MYH14: variants seen among roughly 807,000 people sequenced by gnomAD.
MYH14 encodes the protein myosin-14.
A neutral mutation model predicts 255.5 loss-of-function variants in MYH14; 123 were observed. That is an observed-to-expected ratio of 0.48 (90% confidence interval 0.42 to 0.56). The LOEUF (loss-of-function observed/expected upper bound fraction) is 0.56, where lower values mean the gene tolerates loss of function less well. Among genes scored for constraint, MYH14 ranks in the 20% least tolerant of loss-of-function variants. The pLI is 0.00. For synonymous variants in MYH14, 1,095 were observed against 1,161.2 expected (o/e 0.94, Z 1.16); for missense variants, 2,423 against 2,802.3 (o/e 0.86, Z 3.06).
At chr19:50,227,549 A>G (rs2033169201) in intron 8 of MYH14, among the ~76,000 whole-genome samples, 1 of 152,036 alleles carries the variant, frequency 6.6e-6, no homozygotes, top group Non-Finnish European at 1.5e-5. Flanking sequence ...CAAACCCTTT[A>G]GGTCTAGCGA....
intron 10 of MYH14, among the ~76,000 whole-genome samples, chr19:50,240,556 G>C (rs1004208450): frequency 2.6e-5 from 4 of 152,084 alleles, no homozygotes; most frequent in Non-Finnish European, 5.9e-5. Flanking sequence ...CTGCACTCCA[G>C]CCTGGGCAAC....
intron 1 of MYH14, chr19:50,205,680 G>A (rs1265035581): frequency 1.3e-5 from 2 of 152,964 alleles, no homozygotes; most frequent in Non-Finnish European, 2.9e-5. Context: ...TCCCAGGTCT[G>A]AGGAAGGACT....
At chr19:50,213,853 C>G (rs1325580274) in intron 2 of MYH14, among the ~76,000 whole-genome samples, 1 of 152,056 alleles carries the variant, frequency 6.6e-6, no homozygotes, top group Non-Finnish European at 1.5e-5. Flanking sequence ...TTAGACATAG[C>G]CTTGCTCTGT....
At chr19:50,284,244 G>A (rs1275993452) in intron 33 of MYH14, among the ~76,000 whole-genome samples, 2 of 151,980 alleles carry the variant, frequency 1.3e-5, no homozygotes, top group Non-Finnish European at 2.9e-5. Context: ...TTTTAATTTT[G>A]TCCAATTTAT....
intron 3 of MYH14, 23 bp downstream of exon 3, chr19:50,217,794 G>A: frequency 1.2e-6 from 2 of 1,607,448 alleles, no homozygotes; most frequent in Non-Finnish European, 1.7e-6. Flanking sequence ...TGGGGCTGTA[G>A]GCCAGCGAGG....
chr19:50,237,330 T>TC (rs1275237481), intron 10 of MYH14, among the ~76,000 whole-genome samples: 1 of 150,996 alleles, frequency 6.6e-6, no homozygotes, highest in East Asian at 1.9e-4. Flanking sequence ...TGTGAACATT[T>TC]TTTTTTTTTT....
chr19:50,224,046 T>TCCCCCCCCCCCCCCTCCCCCCCCCCCC, intron 5 of MYH14, 108 bp from the exon 6 acceptor site: 1 of 504,358 alleles, frequency 2.0e-6, no homozygotes, highest in Non-Finnish European at 3.5e-6. Context: ...CAGTCCCCCT[T>TCCCCCCCCCCCCCCTCCCCCCCCCCCC]CCCCCACCCC....
chr19:50,204,815 A>G (rs1313709259), intron 1 of MYH14, among the ~76,000 whole-genome samples: 1 of 151,924 alleles, frequency 6.6e-6, no homozygotes, highest in African/African-American at 2.4e-5. Flanking sequence ...GGATCGGTTG[A>G]GCCCAGGAGG....
At chr19:50,231,730 A>G (rs867247386) in intron 9 of MYH14, among the ~76,000 whole-genome samples, 200 bp from the exon 10 acceptor site, 4 of 77,836 alleles carry the variant, frequency 5.1e-5, no homozygotes, top group African/African-American at 1.5e-4. Context: ...TTAAAAAAAA[A>G]AAATAGAGAC....
At chr19:50,264,761 C>G (rs1368356482) in intron 22 of MYH14, among the ~76,000 whole-genome samples, 1 of 152,108 alleles carries the variant, frequency 6.6e-6, no homozygotes, top group Non-Finnish European at 1.5e-5. Flanking sequence ...GCTCATTGGC[C>G]CAGCTGGAGT....
intron 22 of MYH14, among the ~76,000 whole-genome samples, chr19:50,264,114 T>C (rs1243402226): frequency 7.3e-6 from 1 of 136,794 alleles, no homozygotes; most frequent in East Asian, 2.1e-4. Flanking sequence ...TACATAAGTG[T>C]CTCGGAGAGA....
intron 10 of MYH14, among the ~76,000 whole-genome samples, chr19:50,242,444 G>T (rs780343530): frequency 3.9e-5 from 6 of 152,264 alleles, no homozygotes; most frequent in Admixed American, 1.3e-4. Context: ...AAGACAGAAT[G>T]AGAGCCAAGC....
In MYH14 at chr19:50,261,585, C is replaced by T. The variant is rs748914051; in HGVS notation, c.2535C>T (p.Thr845=). 2.2e-5 allele frequency: 36 copies of T among 1,603,040 alleles called. No homozygotes were observed. Among genetic ancestry groups the T allele is most frequent in the Middle Eastern group, 1.7e-4 (1 of 6,056 alleles). Residue 845 remains threonine (T), a synonymous_variant, in exon 21 of 43, where the codon ACC becomes ACT. Transcript: ENST00000642316. ...QLEEERDLKV[T]DIIVSFQAAA... is the part of the protein sequence containing the mutation. The stretch of plus-strand genomic sequence containing the variant: ...AAGAGGAGCGAGACCTGAAGGTCAC[C>T]GACATCATCGTCTCCTTCCAGGCAG...
At position 50,309,193 on chromosome 19, in the gene MYH14, G is replaced by T. The variant is rs369915943; in HGVS notation, c.5960+16G>T. 7 of 1,613,064 alleles carry T rather than the reference G, an allele frequency of 4.3e-6. No individual in the cohort carries two copies. The highest frequency in any genetic ancestry group is 2.2e-5 in the East Asian group (1 of 44,868). On this transcript the variant is annotated intron_variant, in intron 42 of 42. Coordinates refer to ENST00000642316, the MANE Select transcript of MYH14 (RefSeq NM_001145809.2). ...ACCGGCTTCGGTATGGTCATCCCACGTACAGGCCTGACGGGTGGGGAGCAC... is the reference window on the plus strand; with the variant it reads ...ACCGGCTTCGGTATGGTCATCCCACTTACAGGCCTGACGGGTGGGGAGCAC...
chr19:50,287,735 A>G (rs1440590960), intron 34 of MYH14, among the ~76,000 whole-genome samples: 5 of 152,198 alleles, frequency 3.3e-5, no homozygotes, highest in Admixed American at 6.5e-5. Flanking sequence ...TTAAATACAC[A>G]TATTCATGTG....
intron 5 of MYH14, 98 bp from the exon 6 acceptor site, chr19:50,224,056 C>A: frequency 1.0e-6 from 1 of 961,610 alleles, no homozygotes; most frequent in Middle Eastern, 2.3e-4. Context: ...TCCCCCACCC[C>A]CCATGCCACC....
chr19:50,269,496 T>C (rs2035216704), intron 24 of MYH14, among the ~76,000 whole-genome samples: 1 of 152,188 alleles, frequency 6.6e-6, no homozygotes, highest in South Asian at 2.1e-4. Flanking sequence ...AGTGTTTTAA[T>C]CAACTTCTCT....
intron 3 of MYH14, 78 bp downstream of exon 3, chr19:50,217,849 G>A: frequency 6.5e-7 from 1 of 1,543,586 alleles, no homozygotes; most frequent in Non-Finnish European, 8.8e-7. Flanking sequence ...GGAAGCCAGA[G>A]TCCAGGTCAA....
At chr19:50,267,836 GAGAC>G (rs1254078839) in intron 23 of MYH14, among the ~76,000 whole-genome samples, 1 of 152,038 alleles carries the variant, frequency 6.6e-6, no homozygotes, top group Non-Finnish European at 1.5e-5. Flanking sequence ...AGGCTGGAGA[GAGAC>G]AGGTGAGAGA....
Sources: gnomAD v4.1 joint callset for allele counts (sites outside exome capture counted in the v4.1 genomes callset) on GRCh38, gnomAD v4.1.1 for gene constraint, MANE v1.5 for transcripts, NCBI Gene and HGNC (gene_info 2026-07-23, HGNC 2026-07-21) for gene names.